Variants in DLG2 observed in about 807,000 individuals in gnomAD.
DLG2 encodes disks large homolog 2.
In DLG2, 45 loss-of-function variants were observed where a neutral mutation model predicts 132.5. That is an observed-to-expected ratio of 0.34 (90% CI 0.27 to 0.44). DLG2 has a LOEUF of 0.44. Ranked by LOEUF, DLG2 falls within the 20% of genes least tolerant of loss-of-function variation. The pLI is 1.00. For synonymous variants in DLG2, 424 were observed against 419.6 expected (o/e 1.01, Z -0.13); for missense variants, 1,045 against 1,196.9 (o/e 0.87, Z 1.87).
intron 11 of DLG2, among the ~76,000 whole-genome samples, chr11:83,993,172 C>T (rs1279280728): frequency 6.6e-6 from 1 of 151,934 alleles, no homozygotes; most frequent in Non-Finnish European, 1.5e-5. Flanking sequence ...TTATATGATC[C>T]TAGAAAGTAG....
intron 3 of DLG2, among the ~76,000 whole-genome samples, chr11:85,557,143 A>G (rs1295202035): frequency 1.3e-5 from 2 of 151,722 alleles, no homozygotes; most frequent in Non-Finnish European, 2.9e-5. Context: ...TTCCATGATG[A>G]GAACAGTAAT....
intron 3 of DLG2, among the ~76,000 whole-genome samples, chr11:85,396,489 G>A (rs754958451): frequency 6.6e-6 from 1 of 152,074 alleles, no homozygotes; most frequent in African/African-American, 2.4e-5. Flanking sequence ...CAAGCTAAAG[G>A]AGCATGTTCT....
intron 6 of DLG2, among the ~76,000 whole-genome samples, chr11:84,665,687 A>G (rs1197607618): frequency 6.6e-6 from 1 of 152,118 alleles, no homozygotes; most frequent in Non-Finnish European, 1.5e-5. Context: ...GTTTTGTTGT[A>G]ACAGTGTTAT....
intron 7 of DLG2, among the ~76,000 whole-genome samples, chr11:84,497,420 C>T (rs2099187699): frequency 6.6e-6 from 1 of 152,000 alleles, no homozygotes; most frequent in African/African-American, 2.4e-5. Context: ...AGTTGGGACT[C>T]TACTTGAAGC....
chr11:84,714,617 TTCTCTTTCTCTC>T (rs2060941998), intron 6 of DLG2, among the ~76,000 whole-genome samples: 6 of 96,636 alleles, frequency 6.2e-5, no homozygotes, highest in African/African-American at 2.6e-4. Flanking sequence ...CTCTTTCTCT[TTCTCTTTCTCTC>T]TCTCTCTCTC....
At chr11:84,248,305 C>A (rs966279276) in intron 8 of DLG2, among the ~76,000 whole-genome samples, 1 of 151,844 alleles carries the variant, frequency 6.6e-6, no homozygotes, top group African/African-American at 2.4e-5. Flanking sequence ...GCATGTTTTA[C>A]CTCATAAGTG....
chr11:84,498,905 T>C (rs1168564692), intron 7 of DLG2, among the ~76,000 whole-genome samples: 2 of 152,160 alleles, frequency 1.3e-5, no homozygotes, highest in African/African-American at 4.8e-5. Flanking sequence ...TGCAGGTATG[T>C]GAGGTGTGAG....
intron 4 of DLG2, among the ~76,000 whole-genome samples, chr11:85,252,480 G>A (rs1237795320): frequency 1.3e-5 from 2 of 152,150 alleles, no homozygotes; most frequent in South Asian, 2.1e-4. Flanking sequence ...CAGATACTTG[G>A]GAGGCTGAAG....
chr11:83,652,851 C>A (rs923660156), intron 18 of DLG2, among the ~76,000 whole-genome samples: 15 of 152,100 alleles, frequency 9.9e-5, no homozygotes, highest in Non-Finnish European at 1.6e-4. Context: ...CTTATTCGAC[C>A]CTTTTTGTTG....
intron 4 of DLG2, among the ~76,000 whole-genome samples, chr11:85,201,050 C>G (rs2081420573): frequency 6.6e-6 from 1 of 151,800 alleles, no homozygotes; most frequent in Non-Finnish European, 1.5e-5. Flanking sequence ...CCAGTGTAGC[C>G]CAGTCTCAGC....
chr11:83,807,875 T>C (rs1043631076), intron 17 of DLG2, among the ~76,000 whole-genome samples: 2 of 152,138 alleles, frequency 1.3e-5, no homozygotes, highest in African/African-American at 4.8e-5. Flanking sequence ...ATACGGTCTG[T>C]GTGGTGCACA....
chr11:84,127,693 A>G (rs1350680569), intron 9 of DLG2, among the ~76,000 whole-genome samples: 2 of 152,062 alleles, frequency 1.3e-5, no homozygotes, highest in African/African-American at 4.8e-5. Context: ...CTCCACCTTC[A>G]AAAGCCCTGG....
chr11:84,643,202 AG>A (rs1343765006), intron 6 of DLG2, among the ~76,000 whole-genome samples: 1 of 152,262 alleles, frequency 6.6e-6, no homozygotes, highest in East Asian at 1.9e-4. Flanking sequence ...GCAGGATGCG[AG>A]GTGATTAGAC....
chr11:84,123,853 T>G (rs1236162724), intron 9 of DLG2, among the ~76,000 whole-genome samples: 1 of 152,206 alleles, frequency 6.6e-6, no homozygotes, highest in Non-Finnish European at 1.5e-5. Context: ...AGGAGAAATT[T>G]TCTGAAGTTG....
chr11:85,345,147 T>C (rs2082743366), intron 3 of DLG2, among the ~76,000 whole-genome samples: 1 of 152,150 alleles, frequency 6.6e-6, no homozygotes, highest in Non-Finnish European at 1.5e-5. Context: ...TTTCAAATCA[T>C]TATGCACACG....
chr11:85,169,088 C>A (rs1480317809), intron 4 of DLG2, among the ~76,000 whole-genome samples: 1 of 152,112 alleles, frequency 6.6e-6, no homozygotes, highest in South Asian at 2.1e-4. Context: ...TACACATATC[C>A]TCCCAGATAC....
chr11:85,436,554 A>C (rs576384475), intron 3 of DLG2, among the ~76,000 whole-genome samples: 3 of 152,264 alleles, frequency 2.0e-5, no homozygotes, highest in Non-Finnish European at 4.4e-5. Flanking sequence ...CAAACATGAA[A>C]AAAACACAGC....
Position 85,310,354 on chromosome 11 carries a change from A to G in DLG2, c.41-24989T>C, listed in dbSNP as rs149520630. ...ATAACCAATCCCTCATTCTGGAGCT[A>G]GCCACACTTCATAGAAATAGGTTAG... On this transcript the variant is annotated intron_variant, in intron 3 of 27. Coordinates refer to ENST00000376104, the MANE Select transcript of DLG2 (RefSeq NM_001142699.3). Among the ~76,000 whole-genome samples, 80 of 152,350 alleles carry G rather than the reference A, an allele frequency of 5.3e-4. 1 individual carries two copies. The highest frequency in any genetic ancestry group is 1.9e-3 in the African/African-American group (77 of 41,590).
chr11:83,545,990 A>G (rs2096232079), intron 19 of DLG2, among the ~76,000 whole-genome samples: 1 of 152,150 alleles, frequency 6.6e-6, no homozygotes, highest in African/African-American at 2.4e-5. Context: ...ATAAAATGCC[A>G]TTAAGACTCA....
Sources: allele counts gnomAD v4.1 joint callset (sites outside exome capture counted in the v4.1 genomes callset), GRCh38; gene constraint gnomAD v4.1.1; transcripts MANE v1.5; gene names NCBI Gene and HGNC (gene_info 2026-07-23, HGNC 2026-07-21).